AGBL1: variants seen among roughly 807,000 people sequenced by gnomAD.
AGBL1 encodes AGBL carboxypeptidase 1.
A neutral mutation model predicts 118.9 loss-of-function variants in AGBL1; 130 were observed. The observed-to-expected ratio is 1.09, with a 90% confidence interval of 0.95 to 1.26. The LOEUF (loss-of-function observed/expected upper bound fraction) is 1.26, where lower values mean the gene tolerates loss of function less well. AGBL1 is among the 50% of genes most tolerant of loss of function. The pLI, the probability that AGBL1 is intolerant of heterozygous loss-of-function variation, is 0.00. For missense variants in AGBL1, 1,584 were observed against 1,298.1 expected, an observed-to-expected ratio of 1.22 and a Z score of -3.38; for synonymous variants, 555 against 478.9, an observed-to-expected ratio of 1.16 and a Z score of -2.08.
At chr15:86,383,217 C>T (rs930259687) in intron 17 of AGBL1, among the ~76,000 whole-genome samples, 4 of 125,098 alleles carry the variant, frequency 3.2e-5, no homozygotes, top group Non-Finnish European at 4.7e-5. Flanking sequence ...CTGAGAGATG[C>T]TGCACTGAAG....
chr15:86,186,636 C>G (rs1157332227), intron 5 of AGBL1, among the ~76,000 whole-genome samples: 2 of 152,158 alleles, frequency 1.3e-5, no homozygotes. Context: ...ACACGGAGCC[C>G]TCTGGCTGCC....
intron 18 of AGBL1, among the ~76,000 whole-genome samples, chr15:86,415,358 A>C (rs2081677259): frequency 6.6e-6 from 1 of 152,166 alleles, no homozygotes; most frequent in African/African-American, 2.4e-5. Context: ...ACTCTGAGGG[A>C]TACACCACAG....
intron 20 of AGBL1, among the ~76,000 whole-genome samples, chr15:86,551,461 G>A (rs2083662205): frequency 6.6e-6 from 1 of 152,120 alleles, no homozygotes; most frequent in Non-Finnish European, 1.5e-5. Flanking sequence ...ATGCCAACAA[G>A]TGAATACATT....
intron 5 of AGBL1, among the ~76,000 whole-genome samples, chr15:86,174,594 T>C (rs1175806422): frequency 6.6e-6 from 1 of 152,124 alleles, no homozygotes; most frequent in East Asian, 1.9e-4. Flanking sequence ...TTGTCACATG[T>C]GGCTTTTATT....
chr15:86,234,924 C>T lies in AGBL1; in HGVS notation c.526+9973C>T, dbSNP rs115949160. ...GTAAATTTGTCTCCCAAGATCTTCC[C>T]CGAGGGTTGAATGATATCTGGTTGT... On this transcript the variant is annotated intron_variant, in intron 6 of 22. Transcript: ENST00000614907. 3.6e-3 allele frequency among the ~76,000 whole-genome samples: 545 copies of T among 152,216 alleles called. 4 individuals are homozygous for T. The highest frequency in any genetic ancestry group is 0.012 in the African/African-American group (515 of 41,532).
intron 18 of AGBL1, among the ~76,000 whole-genome samples, chr15:86,454,123 A>G (rs780308402): frequency 1.2e-4 from 19 of 152,054 alleles, no homozygotes; most frequent in Non-Finnish European, 2.2e-4. Flanking sequence ...TCTCTTCACC[A>G]TGTATGGAAG....
intron 22 of AGBL1, among the ~76,000 whole-genome samples, chr15:86,861,060 A>G (rs900002393): frequency 5.3e-5 from 8 of 151,996 alleles, no homozygotes; most frequent in African/African-American, 1.9e-4. Context: ...TGTTGATTTC[A>G]TTGGGTGGAT....
intron 21 of AGBL1, among the ~76,000 whole-genome samples, chr15:86,602,547 C>T (rs890410953): frequency 2.6e-5 from 4 of 152,104 alleles, no homozygotes; most frequent in African/African-American, 7.2e-5. Context: ...AAATTCCAGT[C>T]AAGTTTAATA....
In AGBL1 at chr15:86,294,727, T is replaced by C. The variant is rs528584177; in HGVS notation, c.2221-528T>C. On this transcript the variant is annotated intron_variant, in intron 16 of 22. Coordinates refer to ENST00000614907, the MANE Select transcript of AGBL1 (RefSeq NM_001386094.1). ...TAATTTTAAGGAAGGCATGCTTAGA[T>C]TTGTCTCTTTTCTTTTTAAATTGTT... 4.6e-5 allele frequency among the ~76,000 whole-genome samples: 7 copies of C among 152,270 alleles called. 1 individual carries two copies. In the South Asian group the frequency reaches 1.2e-3, roughly 27 times the overall value.
chr15:86,611,825 C>A (rs1395566574), intron 21 of AGBL1, among the ~76,000 whole-genome samples: 2 of 152,008 alleles, frequency 1.3e-5, no homozygotes, highest in Middle Eastern at 3.2e-3. Flanking sequence ...ACCTCAGAGG[C>A]GGAAGTTTAC....
intron 17 of AGBL1, among the ~76,000 whole-genome samples, chr15:86,307,744 A>T (rs2079862118): frequency 6.6e-6 from 1 of 152,136 alleles, no homozygotes. Context: ...TTAAAAAAAA[A>T]ATTAGGTCTT....
At chr15:86,774,231 C>A (rs1357057742) in intron 22 of AGBL1, among the ~76,000 whole-genome samples, 1 of 151,952 alleles carries the variant, frequency 6.6e-6, no homozygotes, top group African/African-American at 2.4e-5. Flanking sequence ...GAGTTTCTGA[C>A]AGATCAACAC....
intron 22 of AGBL1, among the ~76,000 whole-genome samples, chr15:86,886,470 T>C (rs2079972475): frequency 6.6e-6 from 1 of 152,218 alleles, no homozygotes; most frequent in African/African-American, 2.4e-5. Context: ...AGTGTATATT[T>C]CTCAAGTTTA....
intron 1 of AGBL1, among the ~76,000 whole-genome samples, chr15:86,087,848 A>G (rs779933344): frequency 2.6e-5 from 4 of 152,224 alleles, no homozygotes; most frequent in Non-Finnish European, 5.9e-5. Context: ...AAGATTGTCA[A>G]TAGATTTCCT....
intron 19 of AGBL1, among the ~76,000 whole-genome samples, chr15:86,529,775 C>A (rs1596231046): frequency 6.6e-6 from 1 of 151,952 alleles, no homozygotes; most frequent in South Asian, 2.1e-4. Context: ...AGAAACCCTG[C>A]AAGCCAGAAG....
intron 5 of AGBL1, among the ~76,000 whole-genome samples, chr15:86,168,304 A>G (rs1422735822): frequency 5.9e-5 from 9 of 152,178 alleles, no homozygotes; most frequent in Non-Finnish European, 1.3e-4. Flanking sequence ...GCAGCTTTTG[A>G]TTTGAAATAG....
At chr15:86,420,633 G>C (rs2081775022) in intron 18 of AGBL1, among the ~76,000 whole-genome samples, 1 of 152,182 alleles carries the variant, frequency 6.6e-6, no homozygotes, top group African/African-American at 2.4e-5. Flanking sequence ...AACAGAAGGA[G>C]GCTTCAGAAG....
At chr15:86,347,108 G>A (rs1029864056) in intron 17 of AGBL1, among the ~76,000 whole-genome samples, 2 of 152,118 alleles carry the variant, frequency 1.3e-5, no homozygotes, top group Non-Finnish European at 2.9e-5. Flanking sequence ...TGACCTGGAT[G>A]GTAATTGATT....
intron 5 of AGBL1, among the ~76,000 whole-genome samples, chr15:86,178,158 A>G (rs981085208): frequency 6.6e-6 from 1 of 152,172 alleles, no homozygotes; most frequent in Non-Finnish European, 1.5e-5. Flanking sequence ...CTAAAAATAC[A>G]AAAATTTAGT....
Sources: allele counts gnomAD v4.1 joint callset (sites outside exome capture counted in the v4.1 genomes callset), GRCh38; gene constraint gnomAD v4.1.1; transcripts MANE v1.5; gene names NCBI Gene and HGNC (gene_info 2026-07-23, HGNC 2026-07-21).